Variants in LNPK observed in about 807,000 individuals in gnomAD.
LNPK encodes endoplasmic reticulum junction formation protein lunapark.
Under a neutral mutation model 55.2 loss-of-function variants are expected in LNPK, and 29 were observed. The observed-to-expected ratio is 0.53, with a 90% CI of 0.39 to 0.72. LNPK has a LOEUF of 0.72. LNPK is among the 30% of genes least tolerant of loss of function. The pLI, the probability that LNPK is intolerant of heterozygous loss-of-function variation, is 0.00. For synonymous variants in LNPK, 162 were observed against 168.2 expected (o/e 0.96, Z 0.29); for missense variants, 467 against 494.8 (o/e 0.94, Z 0.53).
chr2:175,967,102 T>C (rs1425289471), intron 6 of LNPK, among the ~76,000 whole-genome samples: 1 of 152,208 alleles, frequency 6.6e-6, no homozygotes, highest in African/African-American at 2.4e-5. Flanking sequence ...TGGCCCAAGA[T>C]AGCTTTGAAT....
At chr2:175,988,512 CAAAAAAAAAAA>C (rs575414400) in intron 4 of LNPK, among the ~76,000 whole-genome samples, 5 of 58,730 alleles carry the variant, frequency 8.5e-5, no homozygotes, top group South Asian at 6.3e-4. Flanking sequence ...ACTCTGTCTC[CAAAAAAAAAAA>C]AAAAAAAAAA....
At chr2:175,955,929 A>C (rs1685670594) in intron 8 of LNPK, among the ~76,000 whole-genome samples, 1 of 152,184 alleles carries the variant, frequency 6.6e-6, no homozygotes, top group Non-Finnish European at 1.5e-5. Context: ...CTGAGTACAA[A>C]AGGCAAAAGA....
intron 1 of LNPK, among the ~76,000 whole-genome samples, chr2:175,995,945 T>G (rs1687913055): frequency 6.6e-6 from 1 of 150,914 alleles, no homozygotes; most frequent in Non-Finnish European, 1.5e-5. Flanking sequence ...CCTGAGTAGC[T>G]GGGACTACAG....
intron 4 of LNPK, among the ~76,000 whole-genome samples, chr2:175,984,036 T>C (rs1687295829): frequency 1.3e-5 from 2 of 151,470 alleles, no homozygotes; most frequent in Admixed American, 6.6e-5. Context: ...AAAACACAAT[T>C]AATAAAGGGA....
At chr2:175,987,674 TA>T (rs61294187) in intron 4 of LNPK, among the ~76,000 whole-genome samples, 108,456 of 149,702 alleles carry the variant, frequency 0.72, 39,685 homozygotes, top group Admixed American at 0.79. Flanking sequence ...AAAGTATAAT[TA>T]AAAAAAAAAA....
At chr2:175,932,266 C>A in intron 12 of LNPK, 1 of 433,682 alleles carries the variant, frequency 2.3e-6, no homozygotes. Flanking sequence ...ATTTAATGTA[C>A]AAATTCTGGG....
chr2:175,929,139 T>C lies in LNPK; in HGVS notation c.*828A>G, dbSNP rs1404463385. The stretch of plus-strand genomic sequence containing the variant: ...TGAAACTGATGCCAGATTATTTTCA[T>C]TTTCCTTAATAAAATACAAACAAGA... On this transcript the variant is annotated 3_prime_UTR_variant, in exon 13 of 13. Transcript: ENST00000272748. 1.0e-6 allele frequency: 1 copy of C among 983,254 alleles called. No homozygotes were observed. The highest frequency in any genetic ancestry group is 1.7e-5 in the African/African-American group (1 of 57,194). 60.9% of individuals were successfully genotyped at this position (983,254 alleles called of 1,614,324 possible).
At chr2:175,994,249 A>C in intron 2 of LNPK, 1 of 967,414 alleles carries the variant, frequency 1.0e-6, no homozygotes, top group Non-Finnish European at 1.2e-6. Flanking sequence ...AAGTCCAAGC[A>C]GTTGAATACT....
chr2:175,942,728 T>A (rs1173455378), intron 9 of LNPK, among the ~76,000 whole-genome samples: 1 of 151,362 alleles, frequency 6.6e-6, no homozygotes, highest in Non-Finnish European at 1.5e-5. Context: ...CAAAAGAAGA[T>A]AGGACTAAAA....
intron 9 of LNPK, among the ~76,000 whole-genome samples, chr2:175,943,447 A>G (rs1684959876): frequency 6.6e-6 from 1 of 152,036 alleles, no homozygotes; most frequent in South Asian, 2.1e-4. Flanking sequence ...CAAAGATATG[A>G]CAAGGAAAAA....
At chr2:175,954,374 G>A (rs1223342126) in intron 8 of LNPK, among the ~76,000 whole-genome samples, 1 of 152,078 alleles carries the variant, frequency 6.6e-6, no homozygotes, top group Non-Finnish European at 1.5e-5. Context: ...CCATCTTCTT[G>A]TCCATTCTGT....
chr2:175,996,714 G>A (rs1192134754), intron 1 of LNPK, among the ~76,000 whole-genome samples: 1 of 152,068 alleles, frequency 6.6e-6, no homozygotes, highest in Admixed American at 6.6e-5. Flanking sequence ...CCCTGACATT[G>A]TATACAAGTC....
intron 5 of LNPK, among the ~76,000 whole-genome samples, chr2:175,975,322 A>G (rs1477078350): frequency 6.6e-6 from 1 of 151,932 alleles, no homozygotes; most frequent in African/African-American, 2.4e-5. Context: ...AAATAAAAGA[A>G]TAAGAATTGG....
chr2:175,936,855 T>C (rs1444262714), intron 12 of LNPK, among the ~76,000 whole-genome samples: 2 of 152,200 alleles, frequency 1.3e-5, no homozygotes, highest in African/African-American at 4.8e-5. Flanking sequence ...ACCAGTCCTA[T>C]TGATACAGTA....
At chr2:175,990,174 G>T (rs1299501193) in intron 4 of LNPK, among the ~76,000 whole-genome samples, 1 of 152,192 alleles carries the variant, frequency 6.6e-6, no homozygotes, top group East Asian at 1.9e-4. Context: ...TTGTCCCCCA[G>T]TGTTGGAGGT....
intron 5 of LNPK, among the ~76,000 whole-genome samples, chr2:175,979,536 C>T (rs74989596): frequency 0.14 from 20,429 of 149,858 alleles, 1,760 homozygotes; most frequent in Non-Finnish European, 0.2. Flanking sequence ...CCTGCCTGGG[C>T]GACAGGCTCT....
At chr2:175,986,343 TTAAC>T (rs1687409897) in intron 4 of LNPK, among the ~76,000 whole-genome samples, 1 of 151,978 alleles carries the variant, frequency 6.6e-6, no homozygotes, top group African/African-American at 2.4e-5. Flanking sequence ...ACTAGAAATT[TTAAC>T]TAAGACAATA....
At chr2:175,991,810 C>T (rs1027815820) in intron 4 of LNPK, among the ~76,000 whole-genome samples, 8 of 152,144 alleles carry the variant, frequency 5.3e-5, no homozygotes, top group Admixed American at 3.3e-4. Flanking sequence ...GGGTCAATTG[C>T]TTTATAGCAG....
intron 12 of LNPK, among the ~76,000 whole-genome samples, chr2:175,934,364 A>G (rs1684437092): frequency 6.6e-6 from 1 of 152,198 alleles, no homozygotes. Flanking sequence ...AAATCATATT[A>G]TCAAGTTAAA....
Sources: allele counts gnomAD v4.1 joint callset (sites outside exome capture counted in the v4.1 genomes callset), GRCh38; gene constraint gnomAD v4.1.1; transcripts MANE v1.5; gene names NCBI Gene and HGNC (gene_info 2026-07-23, HGNC 2026-07-21).